ZFAND3: variants seen among roughly 807,000 people sequenced by gnomAD.
The protein encoded by ZFAND3 is AN1-type zinc finger protein 3.
Under a neutral mutation model 29.6 loss-of-function variants are expected in ZFAND3, and 10 were observed. The ratio of observed to expected loss-of-function variants is 0.34; its 90% CI spans 0.21 to 0.57. ZFAND3 has a LOEUF of 0.57. Ranked by LOEUF, ZFAND3 falls within the 20% of genes least tolerant of loss-of-function variation. The probability of loss-of-function intolerance (pLI) is 0.86; values close to 1 mark genes in which losing one functional copy is unlikely to be tolerated. For missense variants in ZFAND3, 230 were observed against 304.5 expected (o/e 0.76, Z 1.82); for synonymous variants, 128 against 112.6 (o/e 1.14, Z -0.87).
intron 2 of ZFAND3, among the ~76,000 whole-genome samples, chr6:38,024,510 T>G (rs1763410267): frequency 6.6e-6 from 1 of 151,938 alleles, no homozygotes; most frequent in South Asian, 2.1e-4. Context: ...GCATGTTTGT[T>G]GCAGCACTAT....
chr6:37,973,963 A>C (rs767850097), intron 2 of ZFAND3, among the ~76,000 whole-genome samples: 4 of 152,350 alleles, frequency 2.6e-5, no homozygotes, highest in Non-Finnish European at 5.9e-5. Flanking sequence ...CCGAGAGTTT[A>C]TTGCCTATCT....
At chr6:38,102,745 A>G (rs1399188915) in intron 4 of ZFAND3, among the ~76,000 whole-genome samples, 5 of 152,122 alleles carry the variant, frequency 3.3e-5, no homozygotes, top group Admixed American at 6.6e-5. Flanking sequence ...CTGTATTTCT[A>G]GAAAGTTTAA....
chr6:38,079,374 C>T (rs1028997815), intron 3 of ZFAND3, among the ~76,000 whole-genome samples: 12 of 152,150 alleles, frequency 7.9e-5, no homozygotes, highest in Non-Finnish European at 1.5e-4. Flanking sequence ...CTCTGGAGAA[C>T]ACCTTCATGA....
chr6:37,870,720 A>G (rs569744931), intron 1 of ZFAND3, among the ~76,000 whole-genome samples: 3 of 151,788 alleles, frequency 2.0e-5, no homozygotes, highest in South Asian at 2.1e-4. Context: ...GTCTTGTTCT[A>G]TTGCTCAGGC....
At chr6:37,910,113 C>T (rs1285479058) in intron 1 of ZFAND3, among the ~76,000 whole-genome samples, 1 of 152,188 alleles carries the variant, frequency 6.6e-6, no homozygotes, top group Non-Finnish European at 1.5e-5. Context: ...AATACATAGT[C>T]TGTGATAATT....
chr6:38,107,932 A>G (rs1176832710), intron 4 of ZFAND3, among the ~76,000 whole-genome samples: 14 of 151,958 alleles, frequency 9.2e-5, no homozygotes, highest in Non-Finnish European at 1.9e-4. Flanking sequence ...GGACTGTTAA[A>G]AAAAAAAAAA....
intron 1 of ZFAND3, among the ~76,000 whole-genome samples, chr6:37,846,055 C>G (rs1436504478): frequency 6.6e-6 from 1 of 152,180 alleles, no homozygotes; most frequent in Non-Finnish European, 1.5e-5. Context: ...TGATTAAATA[C>G]CTGTACAGCT....
At chr6:37,836,583 G>A (rs1412459824) in intron 1 of ZFAND3, among the ~76,000 whole-genome samples, 1 of 152,192 alleles carries the variant, frequency 6.6e-6, no homozygotes, top group Middle Eastern at 3.2e-3. Context: ...TTAAAGTCAT[G>A]TTAGTGCCTC....
At chr6:38,115,900 GCT>G (rs1765407633) in intron 4 of ZFAND3, among the ~76,000 whole-genome samples, 1 of 152,150 alleles carries the variant, frequency 6.6e-6, no homozygotes, top group Admixed American at 6.5e-5. Context: ...GGTGCCTGGT[GCT>G]GCTGCTGCTG....
intron 4 of ZFAND3, among the ~76,000 whole-genome samples, chr6:38,086,788 A>G (rs957469265): frequency 1.2e-4 from 19 of 152,210 alleles, no homozygotes; most frequent in African/African-American, 4.1e-4. Context: ...CACAGATTCA[A>G]TGCAATCCCT....
chr6:38,144,231 A>ATTTTT (rs67159019), intron 5 of ZFAND3, among the ~76,000 whole-genome samples: 1 of 75,282 alleles, frequency 1.3e-5, no homozygotes, highest in South Asian at 4.2e-4. Flanking sequence ...ATATATATAT[A>ATTTTT]TTTTTTTTTT....
intron 1 of ZFAND3, among the ~76,000 whole-genome samples, chr6:37,902,236 C>T (rs1400549626): frequency 6.6e-6 from 1 of 152,004 alleles, no homozygotes; most frequent in Non-Finnish European, 1.5e-5. Context: ...ATTGCTTGAG[C>T]CTAGGAGTTC....
chr6:37,963,563 CAA>C (rs1390012822), intron 2 of ZFAND3, among the ~76,000 whole-genome samples: 1 of 150,704 alleles, frequency 6.6e-6, no homozygotes, highest in Admixed American at 6.6e-5. Flanking sequence ...AAAAGTTAAA[CAA>C]AAGAGACAAA....
At chr6:37,944,799 T>C (rs569610158) in intron 2 of ZFAND3, among the ~76,000 whole-genome samples, 1 of 152,318 alleles carries the variant, frequency 6.6e-6, no homozygotes, top group South Asian at 2.1e-4. Context: ...ATGGTCAGGC[T>C]CTTGACAGTG....
At chr6:37,883,847 T>C (rs887661222) in intron 1 of ZFAND3, among the ~76,000 whole-genome samples, 1 of 145,372 alleles carries the variant, frequency 6.9e-6, no homozygotes, top group Non-Finnish European at 1.5e-5. Flanking sequence ...GCTTGATGGA[T>C]ACCTTTTCAT....
At chr6:38,074,868 ACTT>A (rs1400173804) in intron 3 of ZFAND3, among the ~76,000 whole-genome samples, 1 of 152,206 alleles carries the variant, frequency 6.6e-6, no homozygotes, top group Non-Finnish European at 1.5e-5. Context: ...ATCCTAGGGC[ACTT>A]AAGAATTCTG....
chr6:37,830,368 T>A (rs1763838344), intron 1 of ZFAND3, among the ~76,000 whole-genome samples: 1 of 152,226 alleles, frequency 6.6e-6, no homozygotes. Context: ...GGTGGTCTCA[T>A]CTGTAAGGCT....
chr6:38,142,792 C>T (rs1031760824), intron 5 of ZFAND3, among the ~76,000 whole-genome samples: 1 of 152,192 alleles, frequency 6.6e-6, no homozygotes, highest in Non-Finnish European at 1.5e-5. Context: ...ATGCCATCTG[C>T]TTTCAGCTAC....
Position 37,886,280 on chromosome 6 carries a change from A to C in ZFAND3, c.72-43679A>C, listed in dbSNP as rs866713081. ...AAAAAAAAAAAAAAAAAAAAAAAAA[A>C]AGTTCAAAGAATATGCTGTTACTCA... On this transcript the variant is annotated intron_variant, in intron 1 of 5. Transcript: ENST00000287218. 4.4e-3 allele frequency among the ~76,000 whole-genome samples: 572 copies of C among 128,872 alleles called. 6 individuals carry two copies. Among genetic ancestry groups the C allele is most frequent in the African/African-American group, 0.016 (540 of 32,982 alleles). The allele number at this position is 128,872 out of a possible 152,430, so 84.5% of individuals were successfully genotyped here. A position where few individuals can be genotyped will look rare whatever the true frequency, so the allele number is the denominator to read the frequency against.
Sources: allele counts gnomAD v4.1 joint callset (sites outside exome capture counted in the v4.1 genomes callset), GRCh38; gene constraint gnomAD v4.1.1; transcripts MANE v1.5; gene names NCBI Gene and HGNC (gene_info 2026-07-23, HGNC 2026-07-21).